PHIP: variants seen among roughly 807,000 people sequenced by gnomAD.
PHIP encodes PHIP subunit of CUL4-Ring ligase complex.
PHIP carries 54 observed loss-of-function variants against 236.8 expected under a neutral mutation model. The ratio of observed to expected loss-of-function variants is 0.23; its 90% CI spans 0.18 to 0.29. The LOEUF (loss-of-function observed/expected upper bound fraction) is 0.29. Ranked by LOEUF, PHIP falls within the 10% of genes least tolerant of loss-of-function variation. The pLI is 1.00. For missense variants in PHIP, 1,370 were observed against 2,190.8 expected (o/e 0.63, Z 7.48); for synonymous variants, 756 against 718.9 (o/e 1.05, Z -0.83).
chr6:79,077,621 CCGGCGG>C (rs1774243229), intron 3 of PHIP, 73 bp downstream of exon 3: 1 of 891,762 alleles, frequency 1.1e-6, no homozygotes, highest in Admixed American at 6.4e-5. Context: ...CCGCGCCCTG[CCGGCGG>C]CGGCAGCGGC....
intron 4 of PHIP, among the ~76,000 whole-genome samples, chr6:79,062,190 G>C (rs568887515): frequency 6.6e-6 from 1 of 152,228 alleles, no homozygotes; most frequent in South Asian, 2.1e-4. Context: ...CAGTCAAAAA[G>C]CACACTGACA....
intron 24 of PHIP, among the ~76,000 whole-genome samples, chr6:78,975,201 A>G (rs1767956564): frequency 6.6e-6 from 1 of 152,030 alleles, no homozygotes; most frequent in African/African-American, 2.4e-5. Context: ...CATCCCTGGG[A>G]TGCAAGGCTG....
intron 19 of PHIP, among the ~76,000 whole-genome samples, chr6:78,993,370 T>G (rs1443205102): frequency 1.3e-5 from 2 of 152,204 alleles, no homozygotes; most frequent in African/African-American, 4.8e-5. Flanking sequence ...ACTTTCAATG[T>G]AGTAACAGAT....
chr6:79,041,438 C>A (rs1242428184), intron 7 of PHIP, among the ~76,000 whole-genome samples: 2 of 152,042 alleles, frequency 1.3e-5, no homozygotes, highest in Non-Finnish European at 2.9e-5. Flanking sequence ...CTTACAATCC[C>A]TATCATTTTT....
rs918595560 is a variant in PHIP at position 78,990,850 on chromosome 6, A to C, written c.2319+18T>G. 7.2e-7 allele frequency: 1 copy of C among 1,385,064 alleles called. No homozygotes were observed. Among genetic ancestry groups the C allele is most frequent in the Non-Finnish European group, 1.0e-6 (1 of 989,176 alleles). The allele number at this position is 1,385,064 out of a possible 1,614,324, so 85.8% of individuals were successfully genotyped here. On this transcript the variant is annotated intron_variant, in intron 20 of 39. Coordinates refer to ENST00000275034, the MANE Select transcript of PHIP (RefSeq NM_017934.7). ...ACTTAAGAAGCAAATATTAAACATC[A>C]AAATAATTAATATGTACCTTTGAGA... is the stretch of plus-strand genomic sequence containing the variant.
At chr6:78,978,278 C>T (rs935080857) in intron 24 of PHIP, among the ~76,000 whole-genome samples, 2 of 151,752 alleles carry the variant, frequency 1.3e-5, no homozygotes, top group Non-Finnish European at 2.9e-5. Flanking sequence ...TACATTAAGC[C>T]TTAAGATAAA....
At chr6:78,959,631 A>G (rs1363732772) in intron 31 of PHIP, among the ~76,000 whole-genome samples, 4 of 152,152 alleles carry the variant, frequency 2.6e-5, no homozygotes, top group African/African-American at 9.7e-5. Context: ...ATTGTATTGA[A>G]TAAGAACATA....
chr6:79,068,623 T>C (rs1260486801), intron 4 of PHIP, among the ~76,000 whole-genome samples: 1 of 152,186 alleles, frequency 6.6e-6, no homozygotes, highest in African/African-American at 2.4e-5. Flanking sequence ...CCTTGGAAAG[T>C]AGTCATAAAT....
chr6:78,981,567 G>C (rs181058622), intron 23 of PHIP, among the ~76,000 whole-genome samples: 1 of 151,968 alleles, frequency 6.6e-6, no homozygotes, highest in Non-Finnish European at 1.5e-5. Flanking sequence ...GTGCATGAAG[G>C]AGCCCATGGT....
chr6:79,036,792 G>T (rs1771956054), intron 7 of PHIP, among the ~76,000 whole-genome samples: 1 of 151,532 alleles, frequency 6.6e-6, no homozygotes, highest in Non-Finnish European at 1.5e-5. Context: ...GTGGTGGTGG[G>T]TGCCTGTAAT....
At chr6:78,970,971 G>C (rs573289166) in intron 24 of PHIP, 83 bp from the exon 25 acceptor site, 1 of 880,120 alleles carries the variant, frequency 1.1e-6, no homozygotes, top group South Asian at 1.6e-5. Context: ...ATTGCAAAGA[G>C]AAAATCTAAT....
At chr6:79,010,392 C>CT (rs571412110) in intron 15 of PHIP, among the ~76,000 whole-genome samples, 5,581 of 146,872 alleles carry the variant, frequency 0.038, 103 homozygotes, top group Middle Eastern at 0.064. Flanking sequence ...GACACTGGAA[C>CT]TTTTTTTTTT....
chr6:78,981,825 A>C (rs1768556413), intron 23 of PHIP, among the ~76,000 whole-genome samples: 1 of 152,070 alleles, frequency 6.6e-6, no homozygotes, highest in Admixed American at 6.6e-5. Context: ...CTGACAAGGT[A>C]GAAAAGAAAA....
intron 31 of PHIP, among the ~76,000 whole-genome samples, chr6:78,960,143 A>C (rs778837431): frequency 1.3e-5 from 2 of 152,174 alleles, no homozygotes; most frequent in African/African-American, 2.4e-5. Flanking sequence ...GTTTCTACTG[A>C]ATTCATATCC....
chr6:78,963,725 A>G (rs947238182), intron 29 of PHIP, among the ~76,000 whole-genome samples: 1 of 152,216 alleles, frequency 6.6e-6, no homozygotes, highest in African/African-American at 2.4e-5. Flanking sequence ...TTACTCATAA[A>G]TTATGAAGGT....
At chr6:79,070,669 G>T (rs1292405192) in intron 4 of PHIP, among the ~76,000 whole-genome samples, 1 of 152,096 alleles carries the variant, frequency 6.6e-6, no homozygotes, top group African/African-American at 2.4e-5. Context: ...TGGGGGAATG[G>T]TTCCAGGAAA....
At chr6:79,014,786 T>A (rs2127740286) in intron 15 of PHIP, among the ~76,000 whole-genome samples, 1 of 151,928 alleles carries the variant, frequency 6.6e-6, no homozygotes, top group South Asian at 2.1e-4. Context: ...TTTCCAAGTA[T>A]TTTTTCTTCT....
chr6:79,073,989 A>C (rs1774021913), intron 4 of PHIP, among the ~76,000 whole-genome samples: 2 of 152,164 alleles, frequency 1.3e-5, no homozygotes, highest in Non-Finnish European at 2.9e-5. Flanking sequence ...AGATTGAAAA[A>C]ATTTCAATCC....
chr6:79,065,094 A>C (rs1363401771), intron 4 of PHIP, among the ~76,000 whole-genome samples: 1 of 152,184 alleles, frequency 6.6e-6, no homozygotes, highest in Non-Finnish European at 1.5e-5. Flanking sequence ...CACCAAGTTC[A>C]ACTTAATTTT....
Sources: allele counts gnomAD v4.1 joint callset (sites outside exome capture counted in the v4.1 genomes callset), GRCh38; gene constraint gnomAD v4.1.1; transcripts MANE v1.5; gene names NCBI Gene and HGNC (gene_info 2026-07-23, HGNC 2026-07-21).